The following TRIM72 variants were observed in gnomAD, a reference collection of about 807,000 sequenced individuals.
TRIM72 encodes the protein tripartite motif containing 72.
A neutral mutation model predicts 31.6 loss-of-function variants in TRIM72; 33 were observed. The ratio of observed to expected loss-of-function variants is 1.04; its 90% CI spans 0.79 to 1.40. The LOEUF is 1.40. TRIM72 is among the 40% of genes most tolerant of loss of function. The probability of loss-of-function intolerance (pLI) is 0.00; values close to 1 mark genes in which losing one functional copy is unlikely to be tolerated. For synonymous variants in TRIM72, 301 were observed against 314.4 expected (o/e 0.96, Z 0.45); for missense variants, 666 against 682.7 (o/e 0.98, Z 0.27).
intron 4 of TRIM72, 43 bp from the exon 5 acceptor site, chr16:31,220,853 C>T (rs1273261900): frequency 6.2e-7 from 1 of 1,614,048 alleles, no homozygotes; most frequent in Non-Finnish European, 8.5e-7. Flanking sequence ...TCCAGTGTCC[C>T]CACCATCGGC....
chr16:31,215,250 G>C lies in TRIM72; in HGVS notation c.390+122G>C. On this transcript the variant is annotated intron_variant, in intron 2 of 6. Coordinates refer to ENST00000322122, the MANE Select transcript of TRIM72 (RefSeq NM_001008274.4). This position sits in a 1 kb window ranked among gnomAD's most constrained non-coding sequence, Gnocchi z 6.3. ...GAGGCTCACGAGCTCCTGGAGTTGCGGGGGGCGGGGGCGGGGCGAAGCAGC... is the reference window on the plus strand; with the variant it reads ...GAGGCTCACGAGCTCCTGGAGTTGCCGGGGGCGGGGGCGGGGCGAAGCAGC... The C allele has an allele frequency of 1.5e-6, 2 of 1,320,024 alleles. No homozygotes were observed. The highest frequency in any genetic ancestry group is 1.9e-6 in the Non-Finnish European group (2 of 1,029,594). The allele number at this position is 1,320,024 out of a possible 1,614,324, so 81.8% of individuals were successfully genotyped here.
Position 31,214,653 on chromosome 16 carries a change from CCTGGGCTAGGGCTGGGCCAGGG to C in TRIM72, c.-7-72_-7-51del, listed in dbSNP as rs970131174. The stretch of plus-strand genomic sequence containing the variant: ...TCTCCCTGCGGGGCGGCGGGCCCGG[CCTGGGCTAGGGCTGGGCCAGGG>C]CTGGGCCGGGAGCGCGGCGCCGCGG... On this transcript the variant is annotated intron_variant, in intron 1 of 6. Transcript: ENST00000322122. 42 of 1,361,858 alleles carry C rather than the reference CCTGGGCTAGGGCTGGGCCAGGG, an allele frequency of 3.1e-5. No individual in the cohort carries two copies. In the African/African-American group the frequency reaches 5.7e-4, roughly 19 times the overall value. 84.4% of individuals were successfully genotyped at this position (1,361,858 alleles called of 1,614,324 possible). A position where few individuals can be genotyped will look rare whatever the true frequency, so the allele number is the denominator to read the frequency against.
In TRIM72 at chr16:31,214,864, C is replaced by A; in HGVS notation, c.126C>A (p.Ala42=). Residue 42 remains alanine, a synonymous_variant, in exon 2 of 7, where the codon GCC becomes GCA. Transcript: ENST00000322122. ...SFCRACLGRV[A]GEPAADGTVL... ...GCCGCGCCTGCCTAGGCCGCGTGGC[C>A]GGGGAGCCGGCGGCGGATGGCACCG... 1.3e-6 allele frequency: 2 copies of A among 1,535,030 alleles called. No individual in the cohort carries two copies. The highest frequency in any genetic ancestry group is 1.7e-6 in the Non-Finnish European group (2 of 1,149,374).
Position 31,215,203 on chromosome 16 carries a change from A to G in TRIM72, c.390+75A>G. The G allele has an allele frequency of 8.2e-7, 1 of 1,223,378 alleles. No individual in the cohort carries two copies. Among genetic ancestry groups the G allele is most frequent in the Non-Finnish European group, 1.0e-6 (1 of 956,784 alleles). The allele number at this position is 1,223,378 out of a possible 1,614,324, so 75.8% of individuals were successfully genotyped here. A position where few individuals can be genotyped will look rare whatever the true frequency, so the allele number is the denominator to read the frequency against. ...GGCCGATGGGGAGGTCGCTGCAGTGATTTGGATTCTGAGTCTCTAGAGAGG... is the reference window on the plus strand; with the variant it reads ...GGCCGATGGGGAGGTCGCTGCAGTGGTTTGGATTCTGAGTCTCTAGAGAGG... On this transcript the variant is annotated intron_variant, in intron 2 of 6. Coordinates refer to ENST00000322122, the MANE Select transcript of TRIM72 (RefSeq NM_001008274.4). The surrounding 1 kb of genome is among the most constrained non-coding windows in gnomAD (Gnocchi z 6.3).
intron 2 of TRIM72, chr16:31,217,486 CAAA>C (rs61369552): frequency 1.4e-4 from 7 of 50,280 alleles, no homozygotes; most frequent in South Asian, 7.8e-4. Flanking sequence ...ATCCTGTCTC[CAAA>C]AAAAAAAAAA....
intron 5 of TRIM72, among the ~76,000 whole-genome samples, chr16:31,222,547 C>T (rs1447224714): frequency 7.2e-6 from 1 of 137,956 alleles, no homozygotes; most frequent in East Asian, 2.2e-4. Context: ...TTTCTGAGCT[C>T]CAGTGAGCCT....
chr16:31,217,061 C>T, intron 2 of TRIM72: 1 of 1,594,260 alleles, frequency 6.3e-7, no homozygotes, highest in Non-Finnish European at 8.6e-7. Context: ...CCTCCGAGGG[C>T]CTGGAGCCAT....
Position 31,215,091 on chromosome 16 carries a change from G to T in TRIM72, c.353G>T (p.Arg118Leu), listed in dbSNP as rs750980692. ...TCACTCGGCTCGCACCGCGGTCATC[G>T]CCTCCTGCCTGCCGCCGAGGCCCAC... ...CASLGSHRGH[R>L]LLPAAEAHAR... Residue 118 changes from arginine (R) to leucine (L), a missense_variant, in exon 2 of 7, where the codon CGC (arginine) becomes CTC (leucine). Physicochemically the swap from Arg to Leu is moderately radical, Grantham distance 102. Coordinates refer to ENST00000322122, the MANE Select transcript of TRIM72 (RefSeq NM_001008274.4). This position sits in a 1 kb window ranked among gnomAD's most constrained non-coding sequence, Gnocchi z 6.3. 7 of 1,447,624 alleles carry T rather than the reference G, an allele frequency of 4.8e-6. No homozygotes were observed. Among genetic ancestry groups the T allele is most frequent in the Non-Finnish European group, 6.3e-6 (7 of 1,110,230 alleles). The allele number at this position is 1,447,624 out of a possible 1,614,324, so 89.7% of individuals were successfully genotyped here.
Position 31,224,087 on chromosome 16 carries a change from G to C in TRIM72, c.860-94G>C. On this transcript the variant is annotated intron_variant, in intron 6 of 6. Transcript: ENST00000322122. ...AGCCCAGTGAGCAGAGATGCCAAGA[G>C]GATTAGGGGAGAGAAAGCTGGCCTG... 7.1e-6 allele frequency: 10 copies of C among 1,415,384 alleles called. No homozygotes were observed. The South Asian group carries it at 9.2e-5, about 13-fold the overall frequency. 87.7% of individuals were successfully genotyped at this position (1,415,384 alleles called of 1,614,324 possible). A position where few individuals can be genotyped will look rare whatever the true frequency, so the allele number is the denominator to read the frequency against.
rs2079549573 is a variant in TRIM72 at position 31,224,785 on chromosome 16, G to A, written c.*30G>A. On this transcript the variant is annotated 3_prime_UTR_variant, in exon 7 of 7. Coordinates refer to ENST00000322122, the MANE Select transcript of TRIM72 (RefSeq NM_001008274.4). ...CCGGACGGGTAGTGGAGGGGCGCGG[G>A]GGCCTGGGTTGAAGCTTAGGTCTCC... 7.0e-7 allele frequency: 1 copy of A among 1,428,496 alleles called. No individual in the cohort carries two copies. Among genetic ancestry groups the A allele is most frequent in the Non-Finnish European group, 9.1e-7 (1 of 1,096,178 alleles). 88.5% of individuals were successfully genotyped at this position (1,428,496 alleles called of 1,614,324 possible). A position where few individuals can be genotyped will look rare whatever the true frequency, so the allele number is the denominator to read the frequency against.
chr16:31,223,777 C>T (rs573394944), intron 6 of TRIM72, among the ~76,000 whole-genome samples: 83 of 151,946 alleles, frequency 5.5e-4, no homozygotes, highest in Admixed American at 5.3e-3. Flanking sequence ...TGTGGTGGCA[C>T]GTGGCTGTAG....
Position 31,219,394 on chromosome 16 carries a change from C to G in TRIM72, c.592C>G (p.Arg198Gly), listed in dbSNP as rs200796476. The G allele has an allele frequency of 6.2e-7, 1 of 1,613,924 alleles. No homozygotes were observed. Among genetic ancestry groups the G allele is most frequent in the Non-Finnish European group, 8.5e-7 (1 of 1,179,952 alleles). Reference protein sequence around the residue: ...GSLDREAERVRGEAGVALRRE... With the variant: ...GSLDREAERVGGEAGVALRRE... Reference sequence around the variant, plus strand: ...CTTGGACCGCGAGGCAGAGCGTGTACGGGGTGAGGCAGGGGTCGCCTTGCG... The same window carrying G: ...CTTGGACCGCGAGGCAGAGCGTGTAGGGGGTGAGGCAGGGGTCGCCTTGCG... The change falls in exon 4 of 7, where the codon CGG (arginine) becomes GGG (glycine). Residue 198 changes from arginine to glycine, a missense_variant. Coordinates refer to ENST00000322122, the MANE Select transcript of TRIM72 (RefSeq NM_001008274.4). The surrounding 1 kb of genome is among the most constrained non-coding windows in gnomAD (Gnocchi z 4.2).
chr16:31,214,990 C>T lies in TRIM72; in HGVS notation c.252C>T (p.Gly84=). Residue 84 remains glycine, a synonymous_variant, in exon 2 of 7, where the codon GGC becomes GGT. Coordinates refer to ENST00000322122, the MANE Select transcript of TRIM72 (RefSeq NM_001008274.4). The part of the protein sequence containing the change: ...LVEGLAQVPQ[G]HCEEHLDPLS... The stretch of plus-strand genomic sequence containing the variant: ...AGGGGCTGGCCCAGGTGCCGCAGGG[C>T]CACTGCGAGGAGCACCTGGACCCGC... 6.7e-7 allele frequency: 1 copy of T among 1,497,028 alleles called. No homozygotes were observed. Among genetic ancestry groups the T allele is most frequent in the Non-Finnish European group, 8.8e-7 (1 of 1,130,994 alleles). The allele number at this position is 1,497,028 out of a possible 1,614,324, so 92.7% of individuals were successfully genotyped here. A position where few individuals can be genotyped will look rare whatever the true frequency, so the allele number is the denominator to read the frequency against.
intron 2 of TRIM72, chr16:31,217,197 C>T: frequency 2.9e-6 from 2 of 700,434 alleles, no homozygotes; most frequent in Non-Finnish European, 4.6e-6. Flanking sequence ...CAAACACCGC[C>T]TAGAGGGTCC....
At position 31,225,898 on chromosome 16, in the gene TRIM72, C is replaced by G. The variant is rs1308454924; in HGVS notation, c.*1143C>G. 1 of 151,968 alleles carries G rather than the reference C, an allele frequency of 6.6e-6. No homozygotes were observed. Among genetic ancestry groups the G allele is most frequent in the African/African-American group, 2.4e-5 (1 of 41,374 alleles). The allele number at this position is 151,968 out of a possible 1,614,324, so 9.4% of individuals were successfully genotyped here. Reference sequence around the variant, plus strand: ...TCCTGACCTCAAGTGATTCACCCGCCTTGGCCTCCCATAGTGCTGGGATTA... The same window carrying G: ...TCCTGACCTCAAGTGATTCACCCGCGTTGGCCTCCCATAGTGCTGGGATTA... On this transcript the variant is annotated 3_prime_UTR_variant, in exon 7 of 7. Coordinates refer to ENST00000322122, the MANE Select transcript of TRIM72 (RefSeq NM_001008274.4).
At chr16:31,221,522 CA>C (rs2079533564) in intron 5 of TRIM72, among the ~76,000 whole-genome samples, 1 of 112,224 alleles carries the variant, frequency 8.9e-6, no homozygotes. Context: ...AAGGGCATTG[CA>C]GGGAGAAGGG....
chr16:31,220,080 G>A (rs967866428), intron 4 of TRIM72, among the ~76,000 whole-genome samples: 1 of 149,816 alleles, frequency 6.7e-6, no homozygotes, highest in African/African-American at 2.5e-5. Flanking sequence ...TAAAGGCAGG[G>A]TCTCACTCTG....
At position 31,216,926 on chromosome 16, in the gene TRIM72, C is replaced by T; in HGVS notation, c.390+1798C>T. 1 of 1,614,144 alleles carries T rather than the reference C, an allele frequency of 6.2e-7. No homozygotes were observed. Among genetic ancestry groups the T allele is most frequent in the Non-Finnish European group, 8.5e-7 (1 of 1,180,044 alleles). On this transcript the variant is annotated intron_variant, in intron 2 of 6. Transcript: ENST00000322122. The surrounding 1 kb of genome is among the most constrained non-coding windows in gnomAD (Gnocchi z 6.7). ...GCGCCCCGCGGGATGCGCTCAAAGC[C>T]CTCGCGCAGCGGCACCGTCCCCAGC...
In TRIM72 at chr16:31,215,095, C is replaced by G. The variant is rs2079501290; in HGVS notation, c.357C>G (p.Leu119=). The change falls in exon 2 of 7, where the codon CTC becomes CTG. Residue 119 remains leucine (L), a synonymous_variant. Coordinates refer to ENST00000322122, the MANE Select transcript of TRIM72 (RefSeq NM_001008274.4). The surrounding 1 kb of genome is among the most constrained non-coding windows in gnomAD (Gnocchi z 6.3). Reference sequence around the variant, plus strand: ...TCGGCTCGCACCGCGGTCATCGCCTCCTGCCTGCCGCCGAGGCCCACGCAC... The same window carrying G: ...TCGGCTCGCACCGCGGTCATCGCCTGCTGCCTGCCGCCGAGGCCCACGCAC... ...ASLGSHRGHR[L]LPAAEAHARL... is the part of the protein sequence containing the mutation. 5 of 1,447,736 alleles carry G rather than the reference C, an allele frequency of 3.5e-6. No individual in the cohort carries two copies. In the African/African-American group the frequency reaches 5.9e-5, roughly 17 times the overall value. The allele number at this position is 1,447,736 out of a possible 1,614,324, so 89.7% of individuals were successfully genotyped here.
Sources: gnomAD v4.1 joint callset for allele counts (sites outside exome capture counted in the v4.1 genomes callset) on GRCh38, gnomAD v4.1.1 for gene constraint, Gnocchi (gnomAD v3.1) non-coding constraint, MANE v1.5 for transcripts, NCBI Gene and HGNC (gene_info 2026-07-23, HGNC 2026-07-21) for gene names.